Variants in NEO1 observed in about 807,000 individuals in gnomAD.
NEO1 encodes the protein neogenin.
A neutral mutation model predicts 159.7 loss-of-function variants in NEO1; 63 were observed. The ratio of observed to expected loss-of-function variants is 0.39; its 90% CI spans 0.32 to 0.49. The LOEUF (loss-of-function observed/expected upper bound fraction) is 0.49. Ranked by LOEUF, NEO1 falls within the 20% of genes least tolerant of loss-of-function variation. The pLI is 0.85. For synonymous variants in NEO1, 633 were observed against 662.0 expected (o/e 0.96, Z 0.67); for missense variants, 1,615 against 1,831.0 (o/e 0.88, Z 2.15).
intron 9 of NEO1, among the ~76,000 whole-genome samples, chr15:73,244,954 CAAAAAAAAAAAAAAA>C (rs57566986): frequency 8.5e-4 from 14 of 16,514 alleles, no homozygotes; most frequent in African/African-American, 2.1e-3. Context: ...GACTCTGTCT[CAAAAAAAAAAAAAAA>C]AAAAAAAAAA....
chr15:73,231,973 A>G (rs2038934285), intron 7 of NEO1, among the ~76,000 whole-genome samples: 1 of 152,224 alleles, frequency 6.6e-6, no homozygotes, highest in Non-Finnish European at 1.5e-5. Context: ...CTTAGAATAT[A>G]TTTAAATAGC....
chr15:73,292,028 GT>G (rs2042182374), intron 25 of NEO1, among the ~76,000 whole-genome samples: 1 of 152,122 alleles, frequency 6.6e-6, no homozygotes, highest in Non-Finnish European at 1.5e-5. Context: ...GCTTTCCTCT[GT>G]TGTTTTATTC....
intron 1 of NEO1, among the ~76,000 whole-genome samples, chr15:73,071,064 A>T (rs1187570165): frequency 6.6e-6 from 1 of 152,044 alleles, no homozygotes; most frequent in East Asian, 1.9e-4. Context: ...TCCTGGGCTC[A>T]AGCCTCCTGA....
chr15:73,092,145 A>T (rs1029952013), intron 1 of NEO1, among the ~76,000 whole-genome samples: 2 of 152,186 alleles, frequency 1.3e-5, no homozygotes, highest in Non-Finnish European at 2.9e-5. Flanking sequence ...TCATACAGAG[A>T]AGTCACATTT....
intron 4 of NEO1, among the ~76,000 whole-genome samples, chr15:73,133,503 T>A (rs2031389365): frequency 1.3e-5 from 2 of 152,158 alleles, no homozygotes. Flanking sequence ...ACTAAATAAC[T>A]TTTTCATGTA....
At chr15:73,058,357 G>T (rs1182230508) in intron 1 of NEO1, among the ~76,000 whole-genome samples, 1 of 152,138 alleles carries the variant, frequency 6.6e-6, no homozygotes, top group Non-Finnish European at 1.5e-5. Context: ...CTTGCCGAAG[G>T]TCTCACAACC....
At chr15:73,206,471 CTT>C (rs1378763637) in intron 7 of NEO1, among the ~76,000 whole-genome samples, 1 of 152,082 alleles carries the variant, frequency 6.6e-6, no homozygotes, top group African/African-American at 2.4e-5. Flanking sequence ...CATAAGCACT[CTT>C]TTTGGGGAAG....
chr15:73,147,757 C>A (rs1002332578), intron 5 of NEO1, among the ~76,000 whole-genome samples: 4 of 151,626 alleles, frequency 2.6e-5, no homozygotes, highest in African/African-American at 9.7e-5. Context: ...TTAATTTTAA[C>A]TATCTTTTCT....
At chr15:73,298,673 T>C in intron 27 of NEO1, 62 bp downstream of exon 27, 1 of 1,593,280 alleles carries the variant, frequency 6.3e-7, no homozygotes, top group South Asian at 1.1e-5. Context: ...TGGCTCAAGC[T>C]TGGGACAAAG....
intron 6 of NEO1, among the ~76,000 whole-genome samples, chr15:73,178,093 G>A (rs919687565): frequency 9.2e-5 from 14 of 152,180 alleles, no homozygotes; most frequent in African/African-American, 2.6e-4. Context: ...GTTCTTCATC[G>A]TGAATGACAG....
At chr15:73,060,033 G>A (rs1335267350) in intron 1 of NEO1, among the ~76,000 whole-genome samples, 2 of 149,390 alleles carry the variant, frequency 1.3e-5, no homozygotes, top group Non-Finnish European at 3.0e-5. Flanking sequence ...TTCTGCTGTA[G>A]TGGTAAAAAA....
intron 4 of NEO1, 93 bp from the exon 5 acceptor site, chr15:73,135,792 ACTCTTT>A: frequency 9.5e-7 from 1 of 1,056,868 alleles, no homozygotes; most frequent in Non-Finnish European, 1.3e-6. Context: ...AAATAATAAT[ACTCTTT>A]AAGTGTTTTC....
chr15:73,113,352 G>A (rs190545833), intron 1 of NEO1, among the ~76,000 whole-genome samples: 1 of 152,134 alleles, frequency 6.6e-6, no homozygotes, highest in Admixed American at 6.6e-5. Context: ...AAGTTATCTG[G>A]TTATGTAATC....
At chr15:73,086,684 C>CTTTTTTTT (rs56321563) in intron 1 of NEO1, among the ~76,000 whole-genome samples, 1 of 122,042 alleles carries the variant, frequency 8.2e-6, no homozygotes, top group African/African-American at 3.2e-5. Flanking sequence ...TTCTAGATTT[C>CTTTTTTTT]TTTTTTTTTT....
intron 7 of NEO1, among the ~76,000 whole-genome samples, chr15:73,207,684 T>C (rs2037316771): frequency 6.6e-6 from 1 of 152,248 alleles, no homozygotes; most frequent in South Asian, 2.1e-4. Flanking sequence ...AAAGTGTCAA[T>C]GTCCTTGTGT....
In NEO1 at chr15:73,303,533, G is replaced by C. The variant is rs1411530506; in HGVS notation, c.*837G>C. 2 of 152,172 alleles carry C rather than the reference G, an allele frequency of 1.3e-5. No homozygotes were observed. Among genetic ancestry groups the C allele is most frequent in the African/African-American group, 4.8e-5 (2 of 41,416 alleles). 9.4% of individuals were successfully genotyped at this position (152,172 alleles called of 1,614,324 possible). On this transcript the variant is annotated 3_prime_UTR_variant, in exon 29 of 29. Coordinates refer to ENST00000261908, the MANE Select transcript of NEO1 (RefSeq NM_002499.4). ...AATAGGAAATGGAGGGGCTGCTGAG[G>C]TCCTGTGAATGTTTCTGTCATTGTA...
At chr15:73,249,001 G>T in intron 9 of NEO1, 59 bp from the exon 10 acceptor site, 1 of 1,546,102 alleles carries the variant, frequency 6.5e-7, no homozygotes, top group Non-Finnish European at 8.8e-7. Flanking sequence ...TGCCAAGAAT[G>T]GTTATTGAGG....
chr15:73,211,512 C>G (rs2037565691), intron 7 of NEO1, among the ~76,000 whole-genome samples: 1 of 152,250 alleles, frequency 6.6e-6, no homozygotes, highest in Non-Finnish European at 1.5e-5. Context: ...GTCAAGAGAT[C>G]AAGACCATCC....
At position 73,244,318 on chromosome 15, in the gene NEO1, T is replaced by C. The variant is rs745680259; in HGVS notation, c.1452-26T>C. On this transcript the variant is annotated intron_variant, in intron 8 of 28. Transcript: ENST00000261908. ...CTGGAAGTATTCCTAATTAATGCTA[T>C]CTCTCTCCAAATCCTTTGTCTAAAG... is the stretch of plus-strand genomic sequence containing the variant. 20 of 1,599,886 alleles carry C rather than the reference T, an allele frequency of 1.3e-5. No homozygotes were observed. The Admixed American group carries it at 1.7e-4, about 14-fold the overall frequency.
Sources: allele counts gnomAD v4.1 joint callset (sites outside exome capture counted in the v4.1 genomes callset), GRCh38; gene constraint gnomAD v4.1.1; transcripts MANE v1.5; gene names NCBI Gene and HGNC (gene_info 2026-07-23, HGNC 2026-07-21).